The following NEMP2 variants were observed in gnomAD, a reference collection of about 807,000 sequenced individuals.
NEMP2 encodes the protein nuclear envelope integral membrane protein 2, also known as UPF0571 transmembrane protein.
A neutral mutation model predicts 54.2 loss-of-function variants in NEMP2; 53 were observed. The ratio of observed to expected loss-of-function variants is 0.98; its 90% CI spans 0.78 to 1.23. NEMP2 has a LOEUF of 1.23. Ranked by LOEUF, NEMP2 falls within the 50% of genes most tolerant of loss-of-function variation. NEMP2 has a pLI of 0.00. For missense variants in NEMP2, 455 were observed against 511.3 expected (o/e 0.89, Z 1.06); for synonymous variants, 197 against 190.3 (o/e 1.04, Z -0.29).
chr2:190,638,769 T>A, the NEMP2 span, among the ~76,000 whole-genome samples: 1 of 152,150 alleles, frequency 6.6e-6, no homozygotes. This position sits in a 1 kb window ranked among gnomAD's most constrained non-coding sequence, Gnocchi z 5.7. Context: ...GATGCTTGCA[T>A]CTGCAAAATG....
At chr2:190,490,436 G>A in the NEMP2 span, among the ~76,000 whole-genome samples, 10 of 152,046 alleles carry the variant, frequency 6.6e-5, no homozygotes, top group South Asian at 2.1e-4. This position sits in a 1 kb window ranked among gnomAD's most constrained non-coding sequence, Gnocchi z 4.5. Context: ...GGTGGTGGGC[G>A]CCTGTAATCC....
chr2:190,648,727 C>A, the NEMP2 span, among the ~76,000 whole-genome samples: 1 of 151,190 alleles, frequency 6.6e-6, no homozygotes, highest in African/African-American at 2.4e-5. Context: ...GCGCCCGGAG[C>A]GGGACTCGCG....
chr2:190,643,023 G>GTTTTTTTTTT, the NEMP2 span, among the ~76,000 whole-genome samples: 1 of 79,566 alleles, frequency 1.3e-5, no homozygotes, highest in Non-Finnish European at 2.3e-5. Context: ...AATGGTTAAG[G>GTTTTTTTTTT]TTTTTTTTTT....
chr2:190,472,732 G>A, the NEMP2 span, among the ~76,000 whole-genome samples: 1 of 152,188 alleles, frequency 6.6e-6, no homozygotes, highest in South Asian at 2.1e-4. Flanking sequence ...AGGAAATATA[G>A]AGAAGCCACA....
At chr2:190,456,675 A>G in the NEMP2 span, among the ~76,000 whole-genome samples, 4 of 152,298 alleles carry the variant, frequency 2.6e-5, no homozygotes, top group East Asian at 7.7e-4. This position sits in a 1 kb window ranked among gnomAD's most constrained non-coding sequence, Gnocchi z 5.4. Flanking sequence ...TGACAAGGCA[A>G]GCATCCACTT....
the NEMP2 span, among the ~76,000 whole-genome samples, chr2:190,477,881 AAG>A: frequency 6.6e-6 from 1 of 152,214 alleles, no homozygotes; most frequent in African/African-American, 2.4e-5. Context: ...AAAATCACAT[AAG>A]CTAGATTCTG....
chr2:190,468,801 CT>C, the NEMP2 span, among the ~76,000 whole-genome samples: 1 of 152,088 alleles, frequency 6.6e-6, no homozygotes, highest in Non-Finnish European at 1.5e-5. Context: ...GAAAATACCA[CT>C]GATTATCGTG....
At chr2:190,487,586 G>A in the NEMP2 span, among the ~76,000 whole-genome samples, 3 of 152,138 alleles carry the variant, frequency 2.0e-5, no homozygotes, top group Non-Finnish European at 4.4e-5. The surrounding 1 kb of genome is among the most constrained non-coding windows in gnomAD (Gnocchi z 5.5). Flanking sequence ...TAAAAAATGG[G>A]CAAAGGAATT....
chr2:190,455,400 A>T, the NEMP2 span, among the ~76,000 whole-genome samples: 4 of 152,168 alleles, frequency 2.6e-5, no homozygotes, highest in Admixed American at 6.5e-5. Context: ...GAAAGAAAGC[A>T]CCTTCTAAAT....
chr2:190,511,025 T>G (rs1244584020), intron 7 of NEMP2, among the ~76,000 whole-genome samples: 1 of 152,206 alleles, frequency 6.6e-6, no homozygotes, highest in Admixed American at 6.5e-5. Context: ...TTGGGCCTAA[T>G]AGTGTATTTC....
the NEMP2 span, among the ~76,000 whole-genome samples, chr2:190,554,436 T>A: frequency 6.6e-6 from 1 of 152,206 alleles, no homozygotes; most frequent in Non-Finnish European, 1.5e-5. This position sits in a 1 kb window ranked among gnomAD's most constrained non-coding sequence, Gnocchi z 5.7. Context: ...CACAGCAGTC[T>A]GAGCTCGACC....
upstream of NEMP2, among the ~76,000 whole-genome samples, chr2:190,536,769 G>A (rs1173888550): frequency 2.0e-5 from 3 of 152,142 alleles, no homozygotes; most frequent in Non-Finnish European, 2.9e-5. Context: ...CAATGCAATA[G>A]TAACCCCCTG....
chr2:190,582,198 A>G, the NEMP2 span, among the ~76,000 whole-genome samples: 2 of 152,180 alleles, frequency 1.3e-5, no homozygotes, highest in Non-Finnish European at 2.9e-5. The surrounding 1 kb of genome is among the most constrained non-coding windows in gnomAD (Gnocchi z 4.6). Flanking sequence ...CGGGAACCAT[A>G]AGCTGATAGA....
intron 4 of NEMP2, 85 bp from the exon 5 acceptor site, chr2:190,517,698 C>G: frequency 1.1e-6 from 1 of 930,470 alleles, no homozygotes; most frequent in Non-Finnish European, 1.7e-6. Flanking sequence ...CAACATCAGT[C>G]ATAAATAACA....
At chr2:190,503,907 C>T (rs1202057239), downstream of NEMP2, among the ~76,000 whole-genome samples, 1 of 152,176 alleles carries the variant, frequency 6.6e-6, no homozygotes, top group Non-Finnish European at 1.5e-5. The surrounding 1 kb of genome is among the most constrained non-coding windows in gnomAD (Gnocchi z 6.3). Flanking sequence ...TTGCTGATGT[C>T]TAACATGGGG....
At chr2:190,599,867 C>A in the NEMP2 span, among the ~76,000 whole-genome samples, 3 of 152,144 alleles carry the variant, frequency 2.0e-5, no homozygotes, top group Non-Finnish European at 2.9e-5. Flanking sequence ...CCCATCCCCC[C>A]ATCCCAATCA....
At chr2:190,560,180 G>T in the NEMP2 span, among the ~76,000 whole-genome samples, 1 of 152,202 alleles carries the variant, frequency 6.6e-6, no homozygotes, top group Non-Finnish European at 1.5e-5. The surrounding 1 kb of genome is among the most constrained non-coding windows in gnomAD (Gnocchi z 5.4). Flanking sequence ...AGCCTGGAAA[G>T]AGGACTGATT....
chr2:190,491,958 A>G, the NEMP2 span, among the ~76,000 whole-genome samples: 1 of 152,218 alleles, frequency 6.6e-6, no homozygotes, highest in South Asian at 2.1e-4. This position sits in a 1 kb window ranked among gnomAD's most constrained non-coding sequence, Gnocchi z 4.2. Flanking sequence ...GATAGCATAA[A>G]TAAGAAACAG....
the NEMP2 span, among the ~76,000 whole-genome samples, chr2:190,434,196 GA>G: frequency 7.6e-6 from 1 of 131,556 alleles, no homozygotes. The surrounding 1 kb of genome is among the most constrained non-coding windows in gnomAD (Gnocchi z 4.3). Context: ...AAAAAAAAAA[GA>G]AAAAAAAGAA....
Sources: gnomAD v4.1 joint callset for allele counts (sites outside exome capture counted in the v4.1 genomes callset) on GRCh38, gnomAD v4.1.1 for gene constraint, Gnocchi (gnomAD v3.1) non-coding constraint, MANE v1.5 for transcripts, NCBI Gene and HGNC (gene_info 2026-07-23, HGNC 2026-07-21) for gene names.